The following FHIT variants were observed in gnomAD, a reference collection of about 807,000 sequenced individuals.
FHIT encodes the protein bis(5'-adenosyl)-triphosphatase.
FHIT carries 19 observed loss-of-function variants against 17.9 expected under a neutral mutation model. That is an observed-to-expected ratio of 1.06 (90% confidence interval 0.74 to 1.56). FHIT has a LOEUF of 1.56. Ranked by LOEUF, FHIT falls within the 40% of genes most tolerant of loss-of-function variation. The pLI is 0.00. For missense variants in FHIT, 248 were observed against 189.2 expected (o/e 1.31, Z -1.82); for synonymous variants, 81 against 69.7 (o/e 1.16, Z -0.81).
rs77800998 is a variant in FHIT, at chr3:59,930,080, A to G, written c.280-7666T>C. On this transcript the variant is annotated intron_variant, in intron 7 of 9. Coordinates refer to ENST00000492590, the MANE Select transcript of FHIT (RefSeq NM_002012.4). The stretch of plus-strand genomic sequence containing the variant: ...AGAGAACTCTGAGAACCAGTGAAGA[A>G]TATGCATCCCAGAGTTATCCCAGCC... Among the ~76,000 whole-genome samples, 1,171 of 152,326 alleles carry G rather than the reference A, an allele frequency of 7.7e-3. 6 individuals are homozygous for G. Among genetic ancestry groups the G allele is most frequent in the Middle Eastern group, 0.02 (6 of 294 alleles).
intron 5 of FHIT, among the ~76,000 whole-genome samples, chr3:60,530,923 G>T (rs536068719): frequency 6.6e-6 from 1 of 152,288 alleles, no homozygotes; most frequent in Non-Finnish European, 1.5e-5. Context: ...CCAAGGGTAG[G>T]TGCACATTCA....
chr3:60,415,986 C>A (rs1208655299), intron 5 of FHIT, among the ~76,000 whole-genome samples: 1 of 149,768 alleles, frequency 6.7e-6, no homozygotes, highest in Non-Finnish European at 1.5e-5. Context: ...ATTTTTGAAT[C>A]ATTTGGCATA....
intron 3 of FHIT, among the ~76,000 whole-genome samples, chr3:60,964,840 C>A (rs1553782612): frequency 6.6e-6 from 1 of 152,134 alleles, no homozygotes; most frequent in African/African-American, 2.4e-5. Context: ...GTAACCTGAC[C>A]TTTCTCTCTG....
chr3:60,150,243 C>A (rs1239500412), intron 5 of FHIT, among the ~76,000 whole-genome samples: 1 of 152,046 alleles, frequency 6.6e-6, no homozygotes, highest in African/African-American at 2.4e-5. Context: ...GTGGTCCACC[C>A]ACCTTGGCCT....
intron 3 of FHIT, among the ~76,000 whole-genome samples, chr3:60,860,761 G>GTAC (rs1703738402): frequency 2.8e-4 from 2 of 7,048 alleles, no homozygotes; most frequent in Non-Finnish European, 3.8e-4. Context: ...AGGTATATAT[G>GTAC]ATACATATGT....
intron 5 of FHIT, among the ~76,000 whole-genome samples, chr3:60,253,990 G>T (rs1705856995): frequency 2.0e-5 from 3 of 152,028 alleles, no homozygotes; most frequent in Admixed American, 6.6e-5. Flanking sequence ...CCTACAATTG[G>T]TTGCAAGTTA....
chr3:61,035,214 T>C (rs2033182775), intron 3 of FHIT, among the ~76,000 whole-genome samples: 1 of 152,184 alleles, frequency 6.6e-6, no homozygotes, highest in South Asian at 2.1e-4. Flanking sequence ...TGGATAGAGA[T>C]GATGATTGCA....
At chr3:60,611,635 T>C (rs1326580620) in intron 4 of FHIT, among the ~76,000 whole-genome samples, 1 of 152,182 alleles carries the variant, frequency 6.6e-6, no homozygotes, top group African/African-American at 2.4e-5. Flanking sequence ...GATTTTTATG[T>C]AGTGTAGGAC....
Position 60,626,783 on chromosome 3 carries a change from C to CTTTTTTTTTTTTTTTT in FHIT, c.-17-89805_-17-89804insAAAAAAAAAAAAAAAA, listed in dbSNP as rs71627548. Among the ~76,000 whole-genome samples, 3 of 85,942 alleles carry CTTTTTTTTTTTTTTTT rather than the reference C, an allele frequency of 3.5e-5. 1 individual carries two copies. The highest frequency in any genetic ancestry group is 2.5e-4 in the Admixed American group (2 of 7,918). 56.4% of individuals were successfully genotyped at this position (85,942 alleles called of 152,430 possible). A position where few individuals can be genotyped will look rare whatever the true frequency, so the allele number is the denominator to read the frequency against. On this transcript the variant is annotated intron_variant, in intron 4 of 9. Coordinates refer to ENST00000492590, the MANE Select transcript of FHIT (RefSeq NM_002012.4). ...TTCTTCCTTATCTTAGGGGAAAACACTCTTTTTTTTTTTTTTTTTTACGTT... is the reference window on the plus strand; with the variant it reads ...TTCTTCCTTATCTTAGGGGAAAACACTTTTTTTTTTTTTTTTTCTTTTTTTTTTTTTTTTTTACGTT...
chr3:60,332,650 T>C (rs967684936), intron 5 of FHIT, among the ~76,000 whole-genome samples: 1 of 152,106 alleles, frequency 6.6e-6, no homozygotes, highest in Non-Finnish European at 1.5e-5. Flanking sequence ...TATTATTCTG[T>C]CCCTAGATGT....
intron 5 of FHIT, among the ~76,000 whole-genome samples, chr3:60,149,246 T>C (rs983108885): frequency 5.9e-5 from 9 of 152,080 alleles, no homozygotes; most frequent in African/African-American, 2.2e-4. Flanking sequence ...GCTATGGAAA[T>C]AGGCACCATC....
chr3:60,045,222 G>A (rs371413982), intron 5 of FHIT, among the ~76,000 whole-genome samples: 1 of 152,136 alleles, frequency 6.6e-6, no homozygotes, highest in African/African-American at 2.4e-5. Context: ...AACTTAAAAT[G>A]GTTAAAATGA....
chr3:60,929,838 C>T (rs200018764), intron 3 of FHIT, among the ~76,000 whole-genome samples: 7 of 152,290 alleles, frequency 4.6e-5, no homozygotes, highest in African/African-American at 7.2e-5. Flanking sequence ...CCAATGACTT[C>T]CTTCACAGAA....
intron 5 of FHIT, among the ~76,000 whole-genome samples, chr3:60,249,330 G>A (rs1311472906): frequency 1.3e-5 from 2 of 152,032 alleles, no homozygotes; most frequent in Non-Finnish European, 2.9e-5. Flanking sequence ...TTGACACACC[G>A]AGTATCTATT....
At chr3:60,113,429 A>G (rs760317) in intron 5 of FHIT, among the ~76,000 whole-genome samples, 90,954 of 151,652 alleles carry the variant, frequency 0.6, 27,995 homozygotes, top group African/African-American at 0.71. Context: ...AGAGCTGTTC[A>G]ACGTGTGTGT....
intron 5 of FHIT, among the ~76,000 whole-genome samples, chr3:60,272,295 G>C (rs1355517831): frequency 6.6e-6 from 1 of 152,206 alleles, no homozygotes; most frequent in Non-Finnish European, 1.5e-5. Context: ...ACAGAAGACA[G>C]GAACACAACT....
At chr3:59,801,493 T>A (rs565957076) in intron 8 of FHIT, among the ~76,000 whole-genome samples, 96 of 152,240 alleles carry the variant, frequency 6.3e-4, no homozygotes, top group African/African-American at 2.2e-3. Flanking sequence ...TTTGTACATT[T>A]CTGAATGTTT....
At chr3:59,934,865 A>G (rs1241678560) in intron 7 of FHIT, among the ~76,000 whole-genome samples, 1 of 152,150 alleles carries the variant, frequency 6.6e-6, no homozygotes, top group African/African-American at 2.4e-5. Context: ...ACCTGGTCCC[A>G]CCCATGACAC....
At chr3:61,009,385 T>G (rs751247400) in intron 3 of FHIT, among the ~76,000 whole-genome samples, 2 of 152,214 alleles carry the variant, frequency 1.3e-5, no homozygotes, top group Non-Finnish European at 2.9e-5. Context: ...TCCACTACCA[T>G]ATATGAAATT....
Sources: allele counts gnomAD v4.1 joint callset (sites outside exome capture counted in the v4.1 genomes callset), GRCh38; gene constraint gnomAD v4.1.1; transcripts MANE v1.5; gene names NCBI Gene and HGNC (gene_info 2026-07-23, HGNC 2026-07-21).